C3orf62: variants seen among roughly 807,000 people sequenced by gnomAD.
The protein encoded by C3orf62 is uncharacterized protein C3orf62.
A neutral mutation model predicts 21.7 loss-of-function variants in C3orf62; 16 were observed. The ratio of observed to expected loss-of-function variants is 0.74; its 90% CI spans 0.50 to 1.12. The LOEUF is 1.12. Ranked by LOEUF, C3orf62 falls within the 50% of genes most tolerant of loss-of-function variation. C3orf62 has a pLI of 0.00. For missense variants in C3orf62, 310 were observed against 318.8 expected (o/e 0.97, Z 0.21); for synonymous variants, 114 against 117.0 (o/e 0.97, Z 0.17).
chr3:49,271,183 C>A lies in C3orf62; in HGVS notation c.801G>T (p.Glu267Asp), dbSNP rs1286943277. The A allele has an allele frequency of 3.7e-6, 6 of 1,611,336 alleles. No homozygotes were observed. The highest frequency in any genetic ancestry group is 5.1e-6 in the Non-Finnish European group (6 of 1,177,814). ...ATCAAAGCTTAGATAACTGTCCTTA[C>A]TCAATTTGGTATTTAAAAGACGTCA... ...NVMTSFKYQI[E>D] The change falls in exon 3 of 3, where the codon GAG (glutamate) becomes GAT (aspartate). Residue 267 changes from glutamate (E) to aspartate (D), a missense_variant. By Grantham distance (45) the Glu-to-Asp change is conservative. Coordinates refer to ENST00000343010, the MANE Select transcript of C3orf62 (RefSeq NM_198562.3).
chr3:49,274,942 C>T (rs899697250), intron 1 of C3orf62, among the ~76,000 whole-genome samples: 28 of 151,918 alleles, frequency 1.8e-4, no homozygotes, highest in Non-Finnish European at 1.3e-4. Flanking sequence ...GTCTCAGCCT[C>T]TGGAGCAGCT....
rs1352060616 is a variant in C3orf62 at position 49,276,560 on chromosome 3, G to C, written c.313C>G (p.His105Asp). 6.2e-7 allele frequency: 1 copy of C among 1,614,110 alleles called. No individual in the cohort carries two copies. The highest frequency in any genetic ancestry group is 1.3e-5 in the African/African-American group (1 of 74,948). The change falls in exon 1 of 3, where the codon CAT (histidine) becomes GAT (aspartate). Residue 105 changes from histidine (H) to aspartate (D), a missense_variant. Physicochemically the swap from His to Asp is moderately conservative, Grantham distance 81. Transcript: ENST00000343010. The part of the protein sequence containing the change: ...TNHAPVNAKP[H>D]ALCPERKPLT... ...GGTTTTCTCTCGGGGCACAGAGCAT[G>C]TGGTTTTGCATTTACCGGGGCATGG...
In C3orf62 at chr3:49,268,915, T is replaced by A. The variant is rs1469510406; in HGVS notation, c.*2265A>T. ...CTGTGTAGCTATGACTAAAGGCACA[T>A]GCCATGATGCCTGGCTAATTTTTGT... is the stretch of plus-strand genomic sequence containing the variant. On this transcript the variant is annotated 3_prime_UTR_variant, in exon 3 of 3. Coordinates refer to ENST00000343010, the MANE Select transcript of C3orf62 (RefSeq NM_198562.3). 1 of 152,310 alleles carries A rather than the reference T, an allele frequency of 6.6e-6. No individual in the cohort carries two copies. Among genetic ancestry groups the A allele is most frequent in the African/African-American group, 2.4e-5 (1 of 41,566 alleles). 9.4% of individuals were successfully genotyped at this position (152,310 alleles called of 1,614,324 possible).
chr3:49,274,385 G>A, intron 1 of C3orf62: 1 of 428,044 alleles, frequency 2.3e-6, no homozygotes, highest in Non-Finnish European at 4.3e-6. Context: ...TTTAGAGACA[G>A]GGTTTAGCCA....
chr3:49,272,383 G>A (rs1365152157), intron 2 of C3orf62, among the ~76,000 whole-genome samples: 1 of 151,562 alleles, frequency 6.6e-6, no homozygotes, highest in Non-Finnish European at 1.5e-5. Context: ...ATAAAAAATA[G>A]AGCACATGTA....
In C3orf62 at chr3:49,276,463, G is replaced by A; in HGVS notation, c.410C>T (p.Ala137Val). 1 of 1,613,256 alleles carries A rather than the reference G, an allele frequency of 6.2e-7. No homozygotes were observed. The highest frequency in any genetic ancestry group is 8.5e-7 in the Non-Finnish European group (1 of 1,179,314). The change falls in exon 1 of 3, where the codon GCA (alanine) becomes GTA (valine). Residue 137 changes from alanine to valine, a missense_variant. Coordinates refer to ENST00000343010, the MANE Select transcript of C3orf62 (RefSeq NM_198562.3). ...TTTTCTCCAGTTTTCCCCCTCTCCT[G>A]CAGTTCTCCAAGACTCTCTTTCAGG... ...LAPERESWRT[A>V]GEGENWRKEN...
Position 49,277,066 on chromosome 3 carries a change from C to G in C3orf62, c.-194G>C. ...CAGAAGCCCCAAAGACGCCCCGCCCCACTTCCCACAGCTTCCTGGCCCGCC... is the reference window on the plus strand; with the variant it reads ...CAGAAGCCCCAAAGACGCCCCGCCCGACTTCCCACAGCTTCCTGGCCCGCC... On this transcript the variant is annotated 5_prime_UTR_variant, in exon 1 of 3. Coordinates refer to ENST00000343010, the MANE Select transcript of C3orf62 (RefSeq NM_198562.3). 2 of 1,483,216 alleles carry G rather than the reference C, an allele frequency of 1.3e-6. No individual in the cohort carries two copies. Among genetic ancestry groups the G allele is most frequent in the Non-Finnish European group, 1.8e-6 (2 of 1,118,244 alleles). 91.9% of individuals were successfully genotyped at this position (1,483,216 alleles called of 1,614,324 possible). A position where few individuals can be genotyped will look rare whatever the true frequency, so the allele number is the denominator to read the frequency against.
At chr3:49,273,908 C>A in intron 2 of C3orf62, 141 bp downstream of exon 2, 2 of 637,360 alleles carry the variant, frequency 3.1e-6, no homozygotes, top group South Asian at 3.6e-5. Context: ...ATCTCCTCGG[C>A]CTTCCAAAGT....
At chr3:49,275,946 G>GA (rs2046955209) in intron 1 of C3orf62, among the ~76,000 whole-genome samples, 1 of 152,042 alleles carries the variant, frequency 6.6e-6, no homozygotes, top group Non-Finnish European at 1.5e-5. Flanking sequence ...GGTCCAAAAA[G>GA]ATCTGGGGTA....
rs1349596807 is a variant in C3orf62 at position 49,269,171 on chromosome 3, T to C, written c.*2009A>G. The C allele has an allele frequency of 6.6e-6, 1 of 152,248 alleles. No individual in the cohort carries two copies. Among genetic ancestry groups the C allele is most frequent in the Non-Finnish European group, 1.5e-5 (1 of 68,052 alleles). 9.4% of individuals were successfully genotyped at this position (152,248 alleles called of 1,614,324 possible). On this transcript the variant is annotated 3_prime_UTR_variant, in exon 3 of 3. Transcript: ENST00000343010. ...GATCATACACTGGGAATTTGGGTTT[T>C]TGGTAGGAATACCAGGGAAGTGATG... is the stretch of plus-strand genomic sequence containing the variant.
At chr3:49,273,953 C>A in intron 2 of C3orf62, 96 bp downstream of exon 2, 1 of 901,084 alleles carries the variant, frequency 1.1e-6, no homozygotes, top group Non-Finnish European at 1.8e-6. Flanking sequence ...CGTGCCTGGC[C>A]GAGAGCATTT....
At chr3:49,271,910 C>CAAAAAAAAAA (rs10706165) in intron 2 of C3orf62, among the ~76,000 whole-genome samples, 1 of 106,944 alleles carries the variant, frequency 9.4e-6, no homozygotes, top group Non-Finnish European at 1.9e-5. Context: ...GGCCCTGTCT[C>CAAAAAAAAAA]AAAAAAAAAA....
At chr3:49,275,519 GTTTTTTTTTT>G (rs59375945) in intron 1 of C3orf62, among the ~76,000 whole-genome samples, 17 of 69,296 alleles carry the variant, frequency 2.5e-4, no homozygotes, top group East Asian at 1.7e-3. Context: ...GAACTTTGAA[GTTTTTTTTTT>G]TTTTTTTTTT....
intron 2 of C3orf62, among the ~76,000 whole-genome samples, chr3:49,271,976 A>G (rs1365467474): frequency 6.6e-6 from 1 of 151,712 alleles, no homozygotes; most frequent in African/African-American, 2.4e-5. Context: ...GCCAAGGAAG[A>G]TGGTGGGTAG....
chr3:49,277,058 C>T lies in C3orf62; in HGVS notation c.-186G>A. The stretch of plus-strand genomic sequence containing the variant: ...CCATCTGCCAGAAGCCCCAAAGACG[C>T]CCCGCCCCACTTCCCACAGCTTCCT... On this transcript the variant is annotated 5_prime_UTR_variant, in exon 1 of 3. Coordinates refer to ENST00000343010, the MANE Select transcript of C3orf62 (RefSeq NM_198562.3). 6.8e-7 allele frequency: 1 copy of T among 1,477,584 alleles called. No individual in the cohort carries two copies. Among genetic ancestry groups the T allele is most frequent in the Non-Finnish European group, 9.0e-7 (1 of 1,116,808 alleles). The allele number at this position is 1,477,584 out of a possible 1,614,324, so 91.5% of individuals were successfully genotyped here.
Position 49,269,228 on chromosome 3 carries a change from TTGGTTAG to T in C3orf62, c.*1945_*1951del, listed in dbSNP as rs2046898996. 6.6e-6 allele frequency: 1 copy of T among 152,192 alleles called. No individual in the cohort carries two copies. Among genetic ancestry groups the T allele is most frequent in the Admixed American group, 6.5e-5 (1 of 15,272 alleles). The allele number at this position is 152,192 out of a possible 1,614,324, so 9.4% of individuals were successfully genotyped here. On this transcript the variant is annotated 3_prime_UTR_variant, in exon 3 of 3. Coordinates refer to ENST00000343010, the MANE Select transcript of C3orf62 (RefSeq NM_198562.3). ...TCTCATGACATATACATGACATCAC[TTGGTTAG>T]GTGTCTGCCAGGCTTCCCCACTATA...
rs568755661 is a variant in C3orf62 at position 49,276,410 on chromosome 3, A to C, written c.446+17T>G. On this transcript the variant is annotated intron_variant, in intron 1 of 2. Transcript: ENST00000343010. ...TCCCCTTAATTGTAGCTGTTAAACC[A>C]TCAAAATTAGAATCACCTTAAATTT... is the stretch of plus-strand genomic sequence containing the variant. 2 of 1,598,988 alleles carry C rather than the reference A, an allele frequency of 1.3e-6. No individual in the cohort carries two copies. The highest frequency in any genetic ancestry group is 2.7e-5 in the African/African-American group (2 of 74,296).
rs575876695 is a variant in C3orf62 at position 49,268,627 on chromosome 3, A to G, written c.*2553T>C. On this transcript the variant is annotated 3_prime_UTR_variant, in exon 3 of 3. Transcript: ENST00000343010. Reference sequence around the variant, plus strand: ...AAACACTAGTTTTTATTCAAGTTTTATCAGTTTTTCCAATAATGTTCTCTT... The same window carrying G: ...AAACACTAGTTTTTATTCAAGTTTTGTCAGTTTTTCCAATAATGTTCTCTT... The G allele has an allele frequency of 3.2e-4, 49 of 152,344 alleles. 1 individual carries two copies. Among genetic ancestry groups the G allele is most frequent in the Middle Eastern group, 6.8e-3 (2 of 294 alleles). The allele number at this position is 152,344 out of a possible 1,614,324, so 9.4% of individuals were successfully genotyped here. A position where few individuals can be genotyped will look rare whatever the true frequency, so the allele number is the denominator to read the frequency against.
In C3orf62 at chr3:49,276,641, G is replaced by C. The variant is rs755862872; in HGVS notation, c.232C>G (p.Pro78Ala). The change falls in exon 1 of 3, where the codon CCT (proline) becomes GCT (alanine). Residue 78 changes from proline (P) to alanine (A), a missense_variant. By Grantham distance (27) the Pro-to-Ala change is conservative. Coordinates refer to ENST00000343010, the MANE Select transcript of C3orf62 (RefSeq NM_198562.3). ...GGAGCACATGGGACAGCAGCAAAAGGAGCAGCAGAAGAGCAGGCTGCCAGA... is the reference window on the plus strand; with the variant it reads ...GGAGCACATGGGACAGCAGCAAAAGCAGCAGCAGAAGAGCAGGCTGCCAGA... ...HPLAACSSAA[P>A]FAAVPCAPEN... The C allele has an allele frequency of 6.2e-7, 1 of 1,614,208 alleles. No homozygotes were observed. The highest frequency in any genetic ancestry group is 1.1e-5 in the South Asian group (1 of 91,074).
Sources: gnomAD v4.1 joint callset for allele counts (sites outside exome capture counted in the v4.1 genomes callset) on GRCh38, gnomAD v4.1.1 for gene constraint, MANE v1.5 for transcripts, NCBI Gene and HGNC (gene_info 2026-07-23, HGNC 2026-07-21) for gene names.